Variants in ALPK1 observed in about 807,000 individuals in gnomAD.
The protein encoded by ALPK1 is alpha-protein kinase 1.
ALPK1 carries 110 observed loss-of-function variants against 120.6 expected under a neutral mutation model. That is an observed-to-expected ratio of 0.91 (90% CI 0.78 to 1.07). The LOEUF (loss-of-function observed/expected upper bound fraction) is 1.07, where lower values mean the gene tolerates loss of function less well. ALPK1 is among the 50% of genes least tolerant of loss of function. The pLI is 0.00. For synonymous variants in ALPK1, 582 were observed against 560.3 expected, an observed-to-expected ratio of 1.04 and a Z score of -0.55; for missense variants, 1,498 against 1,483.9, an observed-to-expected ratio of 1.01 and a Z score of -0.16.
chr4:112,427,638 G>T lies in ALPK1; in HGVS notation c.768G>T (p.Lys256Asn), dbSNP rs779504755. ...CCATGAGCAAGAACGATTATGAAAAGTTTAAAAACAATCCACAAATTAATT... is the reference window on the plus strand; with the variant it reads ...CCATGAGCAAGAACGATTATGAAAATTTTAAAAACAATCCACAAATTAATT... ...FVSMSKNDYE[K>N]FKNNPQINLS... Residue 256 changes from lysine (K) to asparagine (N), a missense_variant, in exon 9 of 16, where the codon AAG (lysine) becomes AAT (asparagine). Transcript: ENST00000650871. 1 of 1,613,750 alleles carries T rather than the reference G, an allele frequency of 6.2e-7. No individual in the cohort carries two copies. Among genetic ancestry groups the T allele is most frequent in the Middle Eastern group, 1.6e-4 (1 of 6,062 alleles).
In ALPK1 at chr4:112,365,231, AG is replaced by A. The variant is rs1285398725; in HGVS notation, c.-100-12444del. ...GCAGTCAGCCAAGAGAAAGAAATAA[AG>A]GGCATCCAAGTTGGTAATGAGGAAG... On this transcript the variant is annotated intron_variant, in intron 2 of 15. Coordinates refer to ENST00000650871, the MANE Select transcript of ALPK1 (RefSeq NM_025144.4). Among the ~76,000 whole-genome samples the A allele has an allele frequency of 2.0e-5, 3 of 152,308 alleles. No individual in the cohort carries two copies. The East Asian group carries it at 5.8e-4, about 29-fold the overall frequency.
intron 3 of ALPK1, 101 bp downstream of exon 3, chr4:112,377,999 T>TAC: frequency 7.8e-7 from 1 of 1,289,086 alleles, no homozygotes; most frequent in Non-Finnish European, 1.0e-6. Flanking sequence ...TTTTCTTCTC[T>TAC]TGGCAGATGA....
intron 12 of ALPK1, among the ~76,000 whole-genome samples, chr4:112,435,806 T>C (rs897943554): frequency 1.2e-4 from 18 of 152,202 alleles, no homozygotes; most frequent in African/African-American, 4.3e-4. Flanking sequence ...GTGCAGCCCG[T>C]AGCAAAAGCT....
intron 1 of ALPK1, among the ~76,000 whole-genome samples, chr4:112,299,649 T>C (rs375242018): frequency 1.3e-5 from 2 of 152,176 alleles, no homozygotes; most frequent in African/African-American, 2.4e-5. Flanking sequence ...CTTTGAATTT[T>C]ACTGGGCCTT....
rs757230834 is a variant in ALPK1, at chr4:112,431,184, G to T, written c.1637G>T (p.Arg546Leu). The T allele has an allele frequency of 6.2e-7, 1 of 1,614,042 alleles. No individual in the cohort carries two copies. The highest frequency in any genetic ancestry group is 1.7e-5 in the Admixed American group (1 of 60,014). ...AACTGGACCCATTCTGATGCATTTC[G>T]AGTCTCCTTGGATCAAGATGTGGAG... The part of the protein sequence containing the change: ...RRNWTHSDAF[R>L]VSLDQDVETE... Residue 546 changes from arginine (R) to leucine (L), a missense_variant, in exon 11 of 16, where the codon CGA becomes CTA. Physicochemically the swap from Arg to Leu is moderately radical, Grantham distance 102. Coordinates refer to ENST00000650871, the MANE Select transcript of ALPK1 (RefSeq NM_025144.4).
intron 2 of ALPK1, among the ~76,000 whole-genome samples, chr4:112,331,972 C>G (rs1729397396): frequency 6.6e-6 from 1 of 152,146 alleles, no homozygotes; most frequent in Non-Finnish European, 1.5e-5. Context: ...AAATAACAAC[C>G]ACTAAGTGAG....
chr4:112,431,553 T>C lies in ALPK1; in HGVS notation c.2006T>C (p.Met669Thr). ...TCTCAAAATCAGCCACAGCAACAGA[T>C]GCCCTTGACACCCTTCTCGCCTCAT... ...EPSQNQPQQQMPLTPFSPHNT... is the reference protein window; with the variant it reads ...EPSQNQPQQQTPLTPFSPHNT... Residue 669 changes from methionine (M) to threonine (T), a missense_variant, in exon 11 of 16, where the codon ATG becomes ACG. Met to Thr is a moderately conservative substitution (Grantham distance 81). Transcript: ENST00000650871. 1 of 1,614,216 alleles carries C rather than the reference T, an allele frequency of 6.2e-7. No homozygotes were observed.
chr4:112,390,027 C>T (rs1453733839), intron 4 of ALPK1, among the ~76,000 whole-genome samples: 2 of 152,188 alleles, frequency 1.3e-5, no homozygotes, highest in Non-Finnish European at 2.9e-5. Flanking sequence ...CACATCTACC[C>T]CACTTCACTC....
Position 112,338,449 on chromosome 4 carries a change from T to A in ALPK1, c.-101+22597T>A, listed in dbSNP as rs114709747. On this transcript the variant is annotated intron_variant, in intron 2 of 15. Coordinates refer to ENST00000650871, the MANE Select transcript of ALPK1 (RefSeq NM_025144.4). ...AACAGACAATCAGAAAAAATGTATATAAGGGATAAGAGGAAAAGTCTATAC... is the reference window on the plus strand; with the variant it reads ...AACAGACAATCAGAAAAAATGTATAAAAGGGATAAGAGGAAAAGTCTATAC... Among the ~76,000 whole-genome samples, 1,266 of 152,202 alleles carry A rather than the reference T, an allele frequency of 8.3e-3. 18 individuals are homozygous for A. Among genetic ancestry groups the A allele is most frequent in the African/African-American group, 0.027 (1,110 of 41,508 alleles).
chr4:112,429,839 CAA>C (rs756983786), intron 10 of ALPK1, among the ~76,000 whole-genome samples: 12 of 40,070 alleles, frequency 3.0e-4, no homozygotes, highest in Non-Finnish European at 3.9e-4. Flanking sequence ...GACCCTACCT[CAA>C]AAAAAAAAAA....
chr4:112,301,712 C>A (rs553512793), intron 1 of ALPK1, among the ~76,000 whole-genome samples: 1 of 152,116 alleles, frequency 6.6e-6, no homozygotes, highest in African/African-American at 2.4e-5. Context: ...CAGAAGATAC[C>A]GTATATTCTG....
intron 2 of ALPK1, among the ~76,000 whole-genome samples, chr4:112,360,447 G>GT (rs1316650434): frequency 9.9e-5 from 15 of 151,954 alleles, no homozygotes; most frequent in Admixed American, 7.9e-4. Context: ...TAAGTACAAT[G>GT]TTTTTTTGTG....
At chr4:112,321,568 A>G (rs765172064) in intron 2 of ALPK1, among the ~76,000 whole-genome samples, 35 of 152,290 alleles carry the variant, frequency 2.3e-4, no homozygotes, top group Admixed American at 9.2e-4. Flanking sequence ...CTGTTCAAAG[A>G]ATTTTTAAAT....
intron 4 of ALPK1, among the ~76,000 whole-genome samples, chr4:112,409,033 T>G (rs1040970270): frequency 6.6e-6 from 1 of 152,222 alleles, no homozygotes; most frequent in African/African-American, 2.4e-5. Flanking sequence ...GGATCTTCCC[T>G]TGTGTTGCCC....
chr4:112,333,706 C>G (rs1329337905), intron 2 of ALPK1, among the ~76,000 whole-genome samples: 3 of 152,080 alleles, frequency 2.0e-5, no homozygotes, highest in Admixed American at 2.0e-4. Context: ...CTTAAGAATC[C>G]ATTTTCACAC....
At chr4:112,386,793 C>G (rs796444195) in intron 4 of ALPK1, among the ~76,000 whole-genome samples, 33 of 152,240 alleles carry the variant, frequency 2.2e-4, no homozygotes, top group African/African-American at 7.2e-4. Context: ...AATTGTATAT[C>G]GCCTGACACT....
rs1560676740 is a variant in ALPK1 at position 112,412,937 on chromosome 4, A to G, written c.475+912A>G. ...GCTGAATGCAGAGAGGGACAGAGAC[A>G]AAAGGACATGGGAGAAATGGGCTAG... On this transcript the variant is annotated intron_variant, in intron 5 of 15. Transcript: ENST00000650871. Among the ~76,000 whole-genome samples the G allele has an allele frequency of 2.6e-5, 4 of 152,350 alleles. No individual in the cohort carries two copies. In the South Asian group the frequency reaches 8.3e-4, roughly 32 times the overall value.
In ALPK1 at chr4:112,441,256, A is replaced by G. The variant is rs2148769409; in HGVS notation, c.*46A>G. The stretch of plus-strand genomic sequence containing the variant: ...TTTGGGGCTTGGGCAGGGCCGTGAC[A>G]CAGGTTCTGGCCAATGATTTGCAAG... On this transcript the variant is annotated 3_prime_UTR_variant, in exon 16 of 16. Transcript: ENST00000650871. The G allele has an allele frequency of 1.6e-6, 2 of 1,281,744 alleles. No individual in the cohort carries two copies. Among genetic ancestry groups the G allele is most frequent in the African/African-American group, 1.5e-5 (1 of 67,994 alleles). 79.4% of individuals were successfully genotyped at this position (1,281,744 alleles called of 1,614,324 possible).
chr4:112,368,012 C>T (rs1290422041), intron 2 of ALPK1, among the ~76,000 whole-genome samples: 2 of 152,158 alleles, frequency 1.3e-5, no homozygotes, highest in African/African-American at 4.8e-5. Context: ...AGTGATTCTC[C>T]TGCCTCAGCC....
Sources: allele counts gnomAD v4.1 joint callset (sites outside exome capture counted in the v4.1 genomes callset), GRCh38; gene constraint gnomAD v4.1.1; transcripts MANE v1.5; gene names NCBI Gene and HGNC (gene_info 2026-07-23, HGNC 2026-07-21).